NCK2: variants seen among roughly 807,000 people sequenced by gnomAD.
NCK2 encodes the protein cytoplasmic protein NCK2.
A neutral mutation model predicts 33.9 loss-of-function variants in NCK2; 16 were observed. The ratio of observed to expected loss-of-function variants is 0.47; its 90% CI spans 0.32 to 0.72. The LOEUF (loss-of-function observed/expected upper bound fraction) is 0.72. Ranked by LOEUF, NCK2 falls within the 30% of genes least tolerant of loss-of-function variation. The pLI is 0.03. For synonymous variants in NCK2, 273 were observed against 239.9 expected, an observed-to-expected ratio of 1.14 and a Z score of -1.27; for missense variants, 418 against 537.3, an observed-to-expected ratio of 0.78 and a Z score of 2.19.
At chr2:105,883,789 G>A (rs182580622) in intron 4 of NCK2, among the ~76,000 whole-genome samples, 3 of 152,310 alleles carry the variant, frequency 2.0e-5, no homozygotes, top group African/African-American at 7.2e-5. Context: ...ACTAAAGCAC[G>A]AATTGTTTGT....
intron 1 of NCK2, among the ~76,000 whole-genome samples, chr2:105,799,211 A>G (rs978917315): frequency 6.6e-6 from 1 of 151,038 alleles, no homozygotes; most frequent in Non-Finnish European, 1.5e-5. Flanking sequence ...AAAATTTTTT[A>G]TGTTTATGTA....
At chr2:105,884,679 G>C (rs1289777796) in intron 4 of NCK2, among the ~76,000 whole-genome samples, 2 of 152,134 alleles carry the variant, frequency 1.3e-5, no homozygotes, top group Non-Finnish European at 2.9e-5. Context: ...GTAAGTGCTG[G>C]GTATTTCAGA....
chr2:105,772,056 C>T (rs1433897406), intron 1 of NCK2, among the ~76,000 whole-genome samples: 1 of 150,500 alleles, frequency 6.6e-6, no homozygotes, highest in Non-Finnish European at 1.5e-5. Context: ...CTGCGTCCTG[C>T]CTGTGGAACT....
intron 1 of NCK2, among the ~76,000 whole-genome samples, chr2:105,813,963 G>A (rs911730701): frequency 6.6e-6 from 1 of 152,218 alleles, no homozygotes; most frequent in African/African-American, 2.4e-5. Flanking sequence ...CACTCCTTCT[G>A]TATATTCCTG....
Position 105,877,068 on chromosome 2 carries a change from C to G in NCK2, c.227-4260C>G, listed in dbSNP as rs373783713. Among the ~76,000 whole-genome samples, 53 of 152,308 alleles carry G rather than the reference C, an allele frequency of 3.5e-4. 1 individual carries two copies. The highest frequency in any genetic ancestry group is 1.5e-3 in the Admixed American group (23 of 15,302). On this transcript the variant is annotated intron_variant, in intron 3 of 4. Coordinates refer to ENST00000233154, the MANE Select transcript of NCK2 (RefSeq NM_003581.5). The stretch of plus-strand genomic sequence containing the variant: ...AGGCAAGAGGAGAAGGACAAGGGAT[C>G]GCTGAGTCCCCTAAGCCTGCCCCCA...
At chr2:105,827,555 A>G (rs575327369) in intron 2 of NCK2, among the ~76,000 whole-genome samples, 11 of 152,358 alleles carry the variant, frequency 7.2e-5, no homozygotes, top group Non-Finnish European at 1.0e-4. Context: ...CAGGATACAC[A>G]TTCTTTTTAG....
intron 2 of NCK2, among the ~76,000 whole-genome samples, chr2:105,842,228 G>C (rs972293395): frequency 6.6e-6 from 1 of 152,088 alleles, no homozygotes; most frequent in African/African-American, 2.4e-5. Context: ...TAGGATTAAA[G>C]GATGCACCAC....
At chr2:105,834,893 G>A (rs1481950339) in intron 2 of NCK2, among the ~76,000 whole-genome samples, 2 of 151,914 alleles carry the variant, frequency 1.3e-5, no homozygotes, top group Non-Finnish European at 2.9e-5. Context: ...GCCCAGGCTG[G>A]TCTTGAACTC....
chr2:105,833,441 G>T (rs1282164269), intron 2 of NCK2, among the ~76,000 whole-genome samples: 2 of 152,072 alleles, frequency 1.3e-5, no homozygotes, highest in Non-Finnish European at 2.9e-5. Flanking sequence ...GTGTGTCTAA[G>T]AATTTACTTG....
chr2:105,758,812 G>T (rs901499263), intron 1 of NCK2, among the ~76,000 whole-genome samples: 3 of 152,192 alleles, frequency 2.0e-5, no homozygotes, highest in African/African-American at 7.2e-5. Flanking sequence ...TGCTCTGACA[G>T]TAAGTTGTTA....
At chr2:105,825,181 G>C (rs939459417) in intron 2 of NCK2, among the ~76,000 whole-genome samples, 2 of 152,266 alleles carry the variant, frequency 1.3e-5, no homozygotes, top group Admixed American at 1.3e-4. Flanking sequence ...GGGATGCTTG[G>C]GGGTGACTTA....
At chr2:105,772,455 C>A (rs1473274860) in intron 1 of NCK2, among the ~76,000 whole-genome samples, 1 of 152,064 alleles carries the variant, frequency 6.6e-6, no homozygotes, top group African/African-American at 2.4e-5. Flanking sequence ...CACCTGATGT[C>A]CTGCCTTTTA....
chr2:105,800,894 T>G (rs937580527), intron 1 of NCK2, among the ~76,000 whole-genome samples: 3 of 152,192 alleles, frequency 2.0e-5, no homozygotes, highest in African/African-American at 4.8e-5. Context: ...TCCATGGGAT[T>G]ACATGCCTGT....
In NCK2 at chr2:105,835,423, A is replaced by T. The variant is rs4851876; in HGVS notation, c.-17+18810A>T. Among the ~76,000 whole-genome samples the T allele has an allele frequency of 5.0e-3, 515 of 102,014 alleles. 27 individuals are homozygous for T. Among genetic ancestry groups the T allele is most frequent in the African/African-American group, 0.018 (456 of 26,020 alleles). 66.9% of individuals were successfully genotyped at this position (102,014 alleles called of 152,430 possible). A position where few individuals can be genotyped will look rare whatever the true frequency, so the allele number is the denominator to read the frequency against. On this transcript the variant is annotated intron_variant, in intron 2 of 4. Coordinates refer to ENST00000233154, the MANE Select transcript of NCK2 (RefSeq NM_003581.5). Reference sequence around the variant, plus strand: ...TATATATACGTGTATATATATATATATTTTTTTTTTGGTCAGCATTTTGAA... The same window carrying T: ...TATATATACGTGTATATATATATATTTTTTTTTTTTGGTCAGCATTTTGAA...
At chr2:105,853,858 G>C (rs865807796) in intron 2 of NCK2, 1 of 152,310 alleles carries the variant, frequency 6.6e-6, no homozygotes, top group South Asian at 2.1e-4. Context: ...TAAACTGACC[G>C]AACAGGATTC....
intron 1 of NCK2, among the ~76,000 whole-genome samples, chr2:105,775,722 G>A (rs1031239065): frequency 2.0e-5 from 3 of 152,068 alleles, no homozygotes; most frequent in Admixed American, 6.5e-5. Context: ...CCTACCCTGG[G>A]AGCCTGGCTG....
intron 1 of NCK2, among the ~76,000 whole-genome samples, chr2:105,788,243 T>G (rs996563961): frequency 3.9e-5 from 6 of 152,214 alleles, no homozygotes; most frequent in Admixed American, 3.3e-4. Flanking sequence ...TGCTGTCTTT[T>G]GCTTAAAGGA....
At chr2:105,795,304 T>A (rs565001962) in intron 1 of NCK2, among the ~76,000 whole-genome samples, 1 of 94,666 alleles carries the variant, frequency 1.1e-5, no homozygotes, top group African/African-American at 6.6e-5. Context: ...TATTTTTAAT[T>A]TTTTTTTTCC....
chr2:105,836,994 G>C (rs1258670760), intron 2 of NCK2, among the ~76,000 whole-genome samples: 1 of 152,216 alleles, frequency 6.6e-6, no homozygotes. Flanking sequence ...TCTGTGGTGT[G>C]AATGTGGTCT....
Sources: gnomAD v4.1 joint callset for allele counts (sites outside exome capture counted in the v4.1 genomes callset) on GRCh38, gnomAD v4.1.1 for gene constraint, MANE v1.5 for transcripts, NCBI Gene and HGNC (gene_info 2026-07-23, HGNC 2026-07-21) for gene names.